The following ABLIM1 variants were observed in gnomAD, a reference collection of about 807,000 sequenced individuals.
ABLIM1 encodes the protein actin binding LIM protein 1.
A neutral mutation model predicts 107.0 loss-of-function variants in ABLIM1; 40 were observed. The ratio of observed to expected loss-of-function variants is 0.37; its 90% CI spans 0.29 to 0.49. ABLIM1 has a LOEUF of 0.49. Ranked by LOEUF, ABLIM1 falls within the 20% of genes least tolerant of loss-of-function variation. The probability of loss-of-function intolerance (pLI) is 0.97; values close to 1 mark genes in which losing one functional copy is unlikely to be tolerated. For synonymous variants in ABLIM1, 357 were observed against 357.3 expected, an observed-to-expected ratio of 1.00 and a Z score of 0.01; for missense variants, 857 against 1,008.5, an observed-to-expected ratio of 0.85 and a Z score of 2.04.
At chr10:114,692,910 C>T (rs1052823111) in intron 1 of ABLIM1, among the ~76,000 whole-genome samples, 1 of 152,082 alleles carries the variant, frequency 6.6e-6, no homozygotes, top group African/African-American at 2.4e-5. Context: ...AAAAAAAATG[C>T]ATTTAAACCT....
intron 1 of ABLIM1, among the ~76,000 whole-genome samples, chr10:114,713,965 G>A (rs1002595023): frequency 6.6e-6 from 1 of 152,180 alleles, no homozygotes; most frequent in Non-Finnish European, 1.5e-5. Flanking sequence ...TCTGTACTGG[G>A]AAGGTGTTGA....
At chr10:114,589,552 GAGA>G (rs2074614504) in intron 2 of ABLIM1, among the ~76,000 whole-genome samples, 1 of 150,902 alleles carries the variant, frequency 6.6e-6, no homozygotes, top group Non-Finnish European at 1.5e-5. Flanking sequence ...GAGAGAGAGA[GAGA>G]GGGGCTTGGT....
intron 12 of ABLIM1, among the ~76,000 whole-genome samples, chr10:114,459,033 T>C (rs1157486576): frequency 1.3e-5 from 2 of 152,234 alleles, no homozygotes; most frequent in Non-Finnish European, 2.9e-5. Context: ...AGAAACAGTC[T>C]GTGCCGTGCA....
intron 10 of ABLIM1, among the ~76,000 whole-genome samples, chr10:114,468,903 T>C (rs1404433090): frequency 2.6e-5 from 4 of 151,674 alleles, no homozygotes; most frequent in African/African-American, 9.7e-5. Flanking sequence ...CTACAAAAAA[T>C]TAGCCAGGCG....
At chr10:114,767,981 G>A (rs1031666348) in intron 1 of ABLIM1, 6 of 406,606 alleles carry the variant, frequency 1.5e-5, no homozygotes, top group African/African-American at 4.4e-5. Flanking sequence ...GGCCGGCGCG[G>A]CTGTCGCAGC....
At chr10:114,742,266 T>G (rs184229272) in intron 1 of ABLIM1, among the ~76,000 whole-genome samples, 31 of 152,320 alleles carry the variant, frequency 2.0e-4, no homozygotes, top group Admixed American at 7.8e-4. Context: ...ACCCTGGATA[T>G]TTTTAATTGC....
At chr10:114,742,802 G>A (rs1176896338) in intron 1 of ABLIM1, among the ~76,000 whole-genome samples, 2 of 152,102 alleles carry the variant, frequency 1.3e-5, no homozygotes, top group Non-Finnish European at 2.9e-5. Context: ...GGTGGCACAC[G>A]CCTATAGTCC....
At chr10:114,713,534 C>G (rs1040295254) in intron 1 of ABLIM1, among the ~76,000 whole-genome samples, 2 of 152,124 alleles carry the variant, frequency 1.3e-5, no homozygotes, top group African/African-American at 4.8e-5. Flanking sequence ...TTTTTCTTAC[C>G]CAGTGAAGGG....
At chr10:114,633,343 A>G (rs185752358) in intron 1 of ABLIM1, among the ~76,000 whole-genome samples, 2 of 152,260 alleles carry the variant, frequency 1.3e-5, no homozygotes, top group Admixed American at 1.3e-4. Flanking sequence ...ATTTCTTCAC[A>G]TTCATCTTGG....
chr10:114,516,378 G>T (rs2062815441), intron 6 of ABLIM1, among the ~76,000 whole-genome samples: 1 of 152,090 alleles, frequency 6.6e-6, no homozygotes, highest in Admixed American at 6.6e-5. Flanking sequence ...ACAAAAATTA[G>T]CCAACCATGG....
At chr10:114,741,601 A>G (rs917838834) in intron 1 of ABLIM1, among the ~76,000 whole-genome samples, 1 of 152,108 alleles carries the variant, frequency 6.6e-6, no homozygotes, top group Non-Finnish European at 1.5e-5. Flanking sequence ...CCAATAACTG[A>G]GAAGAAATAT....
chr10:114,474,787 A>AGGG (rs1413774256), intron 8 of ABLIM1, among the ~76,000 whole-genome samples: 1 of 152,152 alleles, frequency 6.6e-6, no homozygotes, highest in Non-Finnish European at 1.5e-5. Context: ...GAATTGTAAT[A>AGGG]ATCCCCACGT....
intron 1 of ABLIM1, among the ~76,000 whole-genome samples, chr10:114,656,296 A>G (rs1248335650): frequency 6.8e-6 from 1 of 146,590 alleles, no homozygotes; most frequent in Non-Finnish European, 1.5e-5. Flanking sequence ...AAAAAAAGGC[A>G]GATAATAGCA....
intron 1 of ABLIM1, among the ~76,000 whole-genome samples, chr10:114,746,202 C>T (rs749163571): frequency 2.0e-5 from 3 of 152,302 alleles, no homozygotes; most frequent in Admixed American, 6.5e-5. Flanking sequence ...AAAAATCCAA[C>T]TGAGGCTTTG....
At chr10:114,659,236 C>T (rs751785665), upstream of ABLIM1, among the ~76,000 whole-genome samples, 61 of 151,894 alleles carry the variant, frequency 4.0e-4, no homozygotes, top group African/African-American at 5.8e-4. Flanking sequence ...TCTGCAGGTG[C>T]GGTTGCTCAC....
At chr10:114,491,239 T>C (rs1019290780) in intron 7 of ABLIM1, among the ~76,000 whole-genome samples, 2 of 150,646 alleles carry the variant, frequency 1.3e-5, no homozygotes, top group African/African-American at 4.9e-5. Flanking sequence ...TCTCTCTGTC[T>C]CTCTCTCTCT....
intron 1 of ABLIM1, among the ~76,000 whole-genome samples, chr10:114,612,839 G>A (rs1343570376): frequency 6.6e-6 from 1 of 152,034 alleles, no homozygotes; most frequent in Non-Finnish European, 1.5e-5. Context: ...GAGAGGGTCA[G>A]AGTCTATTGT....
intron 1 of ABLIM1, chr10:114,690,325 T>C: frequency 6.2e-7 from 1 of 1,600,284 alleles, no homozygotes; most frequent in South Asian, 1.1e-5. Context: ...CCGTTTGTGT[T>C]GGGTCCAGCA....
intron 1 of ABLIM1, among the ~76,000 whole-genome samples, chr10:114,606,821 G>A (rs902685231): frequency 2.0e-5 from 3 of 152,224 alleles, no homozygotes; most frequent in African/African-American, 7.2e-5. Flanking sequence ...ACTCACCCAA[G>A]GTGGCGCAGC....
Sources: gnomAD v4.1 joint callset for allele counts (sites outside exome capture counted in the v4.1 genomes callset) on GRCh38, gnomAD v4.1.1 for gene constraint, MANE v1.5 for transcripts, NCBI Gene and HGNC (gene_info 2026-07-23, HGNC 2026-07-21) for gene names.